The following SART3 variants were observed in gnomAD, a reference collection of about 807,000 sequenced individuals.
The protein encoded by SART3 is HIV-1 Tat-interacting protein of 110kDa.
Under a neutral mutation model 122.3 loss-of-function variants are expected in SART3, and 44 were observed. That is an observed-to-expected ratio of 0.36 (90% CI 0.28 to 0.46). SART3 has a LOEUF of 0.46. Among genes scored for constraint, SART3 ranks in the 20% least tolerant of loss-of-function variants. SART3 has a pLI of 1.00. For synonymous variants in SART3, 442 were observed against 454.0 expected, an observed-to-expected ratio of 0.97 and a Z score of 0.34; for missense variants, 1,101 against 1,229.0, an observed-to-expected ratio of 0.90 and a Z score of 1.56.
At chr12:108,538,802 G>T (rs956193499) in intron 7 of SART3, 132 bp downstream of exon 7, 7 of 1,083,322 alleles carry the variant, frequency 6.5e-6, no homozygotes, top group Middle Eastern at 4.4e-4. Flanking sequence ...AAACGAGTTG[G>T]CAAAGAGGAG....
At chr12:108,534,421 T>C (rs1011403735) in intron 12 of SART3, among the ~76,000 whole-genome samples, 4 of 151,886 alleles carry the variant, frequency 2.6e-5, no homozygotes, top group South Asian at 4.1e-4. Flanking sequence ...TGGTGGCTCA[T>C]GCCTGTAATT....
intron 1 of SART3, among the ~76,000 whole-genome samples, chr12:108,557,220 T>G (rs1205150013): frequency 5.5e-5 from 8 of 145,014 alleles, no homozygotes; most frequent in Admixed American, 3.4e-4. Context: ...TTTTTTTTTT[T>G]TTTTTTTTTT....
chr12:108,528,768 C>T (rs1409767937), intron 15 of SART3, among the ~76,000 whole-genome samples: 1 of 152,060 alleles, frequency 6.6e-6, no homozygotes, highest in African/African-American at 2.4e-5. Flanking sequence ...CCTACAGGGG[C>T]CGGGTGGAGT....
At chr12:108,544,818 G>C in intron 4 of SART3, 2 of 568,494 alleles carry the variant, frequency 3.5e-6, no homozygotes, top group South Asian at 4.1e-5. Flanking sequence ...TCTGGCCTCA[G>C]CCTCCCAAAC....
chr12:108,545,433 T>A, intron 3 of SART3, 110 bp from the exon 4 acceptor site: 2 of 973,356 alleles, frequency 2.1e-6, no homozygotes, highest in South Asian at 1.4e-5. Flanking sequence ...ACAGCAGCAC[T>A]AAATGACAGT....
At chr12:108,534,113 A>G (rs1199480708) in intron 12 of SART3, among the ~76,000 whole-genome samples, 2 of 144,918 alleles carry the variant, frequency 1.4e-5, no homozygotes, top group East Asian at 1.9e-4. Flanking sequence ...TTTTCTCACT[A>G]TATTATTTTG....
chr12:108,530,461 A>C (rs1369352604), intron 14 of SART3, 151 bp from the exon 15 acceptor site: 4 of 835,022 alleles, frequency 4.8e-6, no homozygotes, highest in Admixed American at 4.0e-5. Flanking sequence ...GCTGTTCCAC[A>C]CCAGGGCTCA....
Position 108,538,158 on chromosome 12 carries a change from G to C in SART3, c.1108C>G (p.Arg370Gly), listed in dbSNP as rs779663628. 5.0e-6 allele frequency: 8 copies of C among 1,614,004 alleles called. No homozygotes were observed. Among genetic ancestry groups the C allele is most frequent in the Non-Finnish European group, 8.5e-7 (1 of 1,180,000 alleles). The stretch of plus-strand genomic sequence containing the variant: ...GTCCAGGGGCAGTTTCTAATAGCGC[G>C]GTTATGTACAGATAAAACCAAATCC... Reference protein sequence around the residue: ...VKDLVLSVHNRAIRNCPWTVA... With the variant: ...VKDLVLSVHNGAIRNCPWTVA... Residue 370 changes from arginine (R) to glycine (G), a missense_variant, in exon 8 of 19, where the codon CGC (arginine) becomes GGC (glycine). Physicochemically the swap from Arg to Gly is moderately radical, Grantham distance 125. This residue lies in a region of SART3 where 885 missense variants were observed against 1,080.1 expected (regional missense o/e 0.82). Transcript: ENST00000546815.
chr12:108,533,179 T>G (rs1383084369), intron 12 of SART3, among the ~76,000 whole-genome samples: 1 of 152,144 alleles, frequency 6.6e-6, no homozygotes, highest in East Asian at 1.9e-4. Context: ...CCAGAGCCTC[T>G]CAGGGGCCCT....
At chr12:108,543,754 G>C (rs2136682481) in intron 5 of SART3, among the ~76,000 whole-genome samples, 1 of 152,302 alleles carries the variant, frequency 6.6e-6, no homozygotes, top group East Asian at 1.9e-4. Context: ...CTCCAGTAAA[G>C]TTGCCCAGAG....
chr12:108,560,581 C>A (rs188827440), intron 1 of SART3: 19 of 463,338 alleles, frequency 4.1e-5, no homozygotes, highest in Middle Eastern at 5.4e-4. Context: ...CTTTCCTCCA[C>A]GAGCCTCAGT....
At chr12:108,560,737 G>C in intron 1 of SART3, 106 bp downstream of exon 1, 1 of 1,036,014 alleles carries the variant, frequency 9.7e-7, no homozygotes, top group South Asian at 1.7e-5. Flanking sequence ...CGGGTTTGCA[G>C]CCTTGGCGGC....
intron 5 of SART3, among the ~76,000 whole-genome samples, chr12:108,543,918 A>G (rs1207581115): frequency 1.3e-5 from 2 of 152,244 alleles, no homozygotes; most frequent in Non-Finnish European, 2.9e-5. Flanking sequence ...TTTACCAAAT[A>G]AGGAAACTCT....
In SART3 at chr12:108,559,782, C is replaced by CAGGT. The variant is rs553323749; in HGVS notation, c.312+1057_312+1060dup. On this transcript the variant is annotated intron_variant, in intron 1 of 18. Coordinates refer to ENST00000546815, the MANE Select transcript of SART3 (RefSeq NM_014706.4). ...TGTCCCCGAGTATAGACCTCATGCA[C>CAGGT]AGGTTTCCTGGCTCTCCAGCTTCCA... Among the ~76,000 whole-genome samples, 112 of 152,122 alleles carry CAGGT rather than the reference C, an allele frequency of 7.4e-4. 1 individual carries two copies. The Middle Eastern group carries it at 0.027, about 37-fold the overall frequency.
intron 13 of SART3, chr12:108,531,868 T>C (rs914722822): frequency 1.4e-5 from 5 of 345,764 alleles, no homozygotes; most frequent in African/African-American, 6.4e-5. Flanking sequence ...CATTTGGCAA[T>C]GTTAAGAGAC....
At position 108,526,291 on chromosome 12, in the gene SART3, G is replaced by C; in HGVS notation, c.2178C>G (p.Phe726Leu). 4 of 1,614,192 alleles carry C rather than the reference G, an allele frequency of 2.5e-6. No individual in the cohort carries two copies. The highest frequency in any genetic ancestry group is 3.4e-6 in the Non-Finnish European group (4 of 1,180,032). Residue 726 changes from phenylalanine (F) to leucine (L), a missense_variant, in exon 16 of 19, where the codon TTC becomes TTG. Phe to Leu is a conservative substitution (Grantham distance 22). This residue lies in a region of SART3 where 885 missense variants were observed against 1,080.1 expected (regional missense o/e 0.82). Transcript: ENST00000546815. Reference sequence around the variant, plus strand: ...TCTGGACCACCTCCCCACAGGCCTCGAAGAGTGGCCTGAGCTTCGTGTCCG... The same window carrying C: ...TCTGGACCACCTCCCCACAGGCCTCCAAGAGTGGCCTGAGCTTCGTGTCCG... ...QEPDTKLRPL[F>L]EACGEVVQIR... is the part of the protein sequence containing the mutation.
chr12:108,560,768 G>A (rs747255033), intron 1 of SART3, 75 bp downstream of exon 1: 36 of 1,364,564 alleles, frequency 2.6e-5, no homozygotes, highest in Non-Finnish European at 3.6e-5. Context: ...CCGAGGACTA[G>A]GGAGGCGGGC....
rs564578802 is a variant in SART3, at chr12:108,547,918, G to A, written c.513C>T (p.Asp171=). The A allele has an allele frequency of 3.7e-6, 6 of 1,613,696 alleles. No homozygotes were observed. The East Asian group carries it at 1.1e-4, about 30-fold the overall frequency. Residue 171 remains aspartate, a synonymous_variant, in exon 3 of 19, where the codon GAC becomes GAT. Coordinates refer to ENST00000546815, the MANE Select transcript of SART3 (RefSeq NM_014706.4). ...AATCCTTCACGGCTTTCTCAAAGAGGTCATACACGTGCTCTCTGTCCAGGC... is the reference window on the plus strand; with the variant it reads ...AATCCTTCACGGCTTTCTCAAAGAGATCATACACGTGCTCTCTGTCCAGGC... The part of the protein sequence containing the change: ...QDGLDREHVY[D]LFEKAVKDYI...
chr12:108,539,194 G>A (rs1330349152), intron 6 of SART3, 105 bp from the exon 7 acceptor site: 9 of 1,152,864 alleles, frequency 7.8e-6, no homozygotes, highest in African/African-American at 1.5e-5. Context: ...ACTATGAATC[G>A]CCAAATCCTC....
Sources: gnomAD v4.1 joint callset for allele counts (sites outside exome capture counted in the v4.1 genomes callset) on GRCh38, gnomAD v4.1.1 for gene constraint, gnomAD v4.1.1 regional missense constraint, MANE v1.5 for transcripts, NCBI Gene and HGNC (gene_info 2026-07-23, HGNC 2026-07-21) for gene names.